MIA2: variants seen among roughly 807,000 people sequenced by gnomAD.
MIA2 encodes the protein MIA SH3 domain ER export factor 2.
In MIA2, 127 loss-of-function variants were observed where a neutral mutation model predicts 167.8. That is an observed-to-expected ratio of 0.76 (90% confidence interval 0.66 to 0.88). MIA2 has a LOEUF of 0.88. Ranked by LOEUF, MIA2 falls within the 40% of genes least tolerant of loss-of-function variation. The probability of loss-of-function intolerance (pLI) is 0.00; values close to 1 mark genes in which losing one functional copy is unlikely to be tolerated. For synonymous variants in MIA2, 552 were observed against 541.9 expected (o/e 1.02, Z -0.26); for missense variants, 1,690 against 1,624.7 (o/e 1.04, Z -0.69).
At chr14:39,332,739 G>A (rs1474581344) in intron 25 of MIA2, among the ~76,000 whole-genome samples, 1 of 151,936 alleles carries the variant, frequency 6.6e-6, no homozygotes, top group Non-Finnish European at 1.5e-5. Context: ...CTTGCAGTCC[G>A]TGGACTGCAC....
In MIA2 at chr14:39,265,143, A is replaced by G. The variant is rs1161650240; in HGVS notation, c.1888-11791A>G. ...CATTTTAAAAAACATATATAGGTGC[A>G]TATGTATGTGTGTGAGTATATATAT... is the stretch of plus-strand genomic sequence containing the variant. On this transcript the variant is annotated intron_variant, in intron 6 of 28. Transcript: ENST00000640607. 6 of 361,574 alleles carry G rather than the reference A, an allele frequency of 1.7e-5. No homozygotes were observed. In the Admixed American group the frequency reaches 2.5e-4, roughly 15 times the overall value. 22.4% of individuals were successfully genotyped at this position (361,574 alleles called of 1,614,324 possible).
intron 18 of MIA2, among the ~76,000 whole-genome samples, chr14:39,313,014 A>G (rs2064622288): frequency 6.6e-6 from 1 of 152,114 alleles, no homozygotes; most frequent in Non-Finnish European, 1.5e-5. Context: ...ATGCTTGTTT[A>G]TACAGAAAGA....
At chr14:39,258,634 G>C (rs1228758081) in intron 6 of MIA2, among the ~76,000 whole-genome samples, 2 of 152,148 alleles carry the variant, frequency 1.3e-5, no homozygotes, top group Non-Finnish European at 2.9e-5. Flanking sequence ...TTGCTGGAGA[G>C]GACTTGCAAT....
chr14:39,370,397 A>T (rs892493682), intron 23 of MIA2: 1 of 236,818 alleles, frequency 4.2e-6, no homozygotes, highest in Non-Finnish European at 9.3e-6. Context: ...GCACATCTGC[A>T]GAAGAATGTT....
At chr14:39,304,208 G>T (rs1235658219) in intron 16 of MIA2, 83 bp from the exon 17 acceptor site, 5 of 539,334 alleles carry the variant, frequency 9.3e-6, no homozygotes, top group Non-Finnish European at 1.6e-5. Context: ...TGTTAGGGGG[G>T]TCATACTGAG....
At chr14:39,369,466 T>C (rs901632554) in intron 23 of MIA2, among the ~76,000 whole-genome samples, 5 of 152,244 alleles carry the variant, frequency 3.3e-5, no homozygotes, top group African/African-American at 1.2e-4. Context: ...TAATTCTGTG[T>C]ATAGTATAGG....
intron 27 of MIA2, 114 bp downstream of exon 27, chr14:39,347,885 T>C (rs963929827): frequency 2.0e-6 from 2 of 980,876 alleles, no homozygotes; most frequent in African/African-American, 1.7e-5. Context: ...GCAGTGGCGC[T>C]ATCTCGGCTC....
At chr14:39,258,016 A>C (rs895910171) in intron 6 of MIA2, among the ~76,000 whole-genome samples, 1 of 151,916 alleles carries the variant, frequency 6.6e-6, no homozygotes, top group Non-Finnish European at 1.5e-5. Flanking sequence ...TGTCCTTAAC[A>C]TTTTTTCCTT....
intron 4 of MIA2, among the ~76,000 whole-genome samples, chr14:39,249,939 C>T (rs1266081409): frequency 6.6e-6 from 1 of 152,196 alleles, no homozygotes; most frequent in Admixed American, 6.5e-5. Context: ...CTCTACTCAA[C>T]ATCCTCAACC....
Position 39,299,882 on chromosome 14 carries a change from G to T in MIA2, c.2515G>T (p.Val839Leu). 1 of 1,605,724 alleles carries T rather than the reference G, an allele frequency of 6.2e-7. No individual in the cohort carries two copies. The highest frequency in any genetic ancestry group is 8.5e-7 in the Non-Finnish European group (1 of 1,177,962). The change falls in exon 14 of 29, where the codon GTA (valine) becomes TTA (leucine). Residue 839 changes from valine (V) to leucine (L), a missense_variant. Val to Leu is a conservative substitution (Grantham distance 32). Coordinates refer to ENST00000640607, the MANE Select transcript of MIA2 (RefSeq NM_001329214.4). ...TTTTCAGCTTTTGCAAGAAGCTGAA[G>T]TATGGAAAGAACAAGTGAGTGAACT... ...SQKQLLQEAE[V>L]WKEQVSELNK... is the part of the protein sequence containing the mutation.
In MIA2 at chr14:39,269,092, TTTTTTTTG is replaced by T. The variant is rs1182709150; in HGVS notation, c.1888-7841_1888-7834del. 1.5e-4 allele frequency: 140 copies of T among 954,680 alleles called. No individual in the cohort carries two copies. The African/African-American group carries it at 2.4e-3, about 16-fold the overall frequency. The allele number at this position is 954,680 out of a possible 1,614,324, so 59.1% of individuals were successfully genotyped here. ...CTGCACAGTTTTTTTTTTTTTTTTT[TTTTTTTTG>T]CTAAATGCGAGTACCCTGGCCTGGG... is the stretch of plus-strand genomic sequence containing the variant. On this transcript the variant is annotated intron_variant, in intron 6 of 28. Transcript: ENST00000640607.
Position 39,326,930 on chromosome 14 carries a change from A to C in MIA2, c.3563A>C (p.Asp1188Ala). Residue 1188 changes from aspartate (D) to alanine (A), a missense_variant, in exon 25 of 29, where the codon GAT (aspartate) becomes GCT (alanine). Transcript: ENST00000640607. ...ITNERGESSC[D>A]RLTDPHRAPS... ...AATGAAAGAGGAGAATCAAGCTGTG[A>C]TAGGTTAACCGATCCTCATAGGGCT... 3.1e-6 allele frequency: 5 copies of C among 1,598,522 alleles called. No homozygotes were observed. The highest frequency in any genetic ancestry group is 4.3e-6 in the Non-Finnish European group (5 of 1,173,392).
chr14:39,343,788 T>C (rs1047467582), intron 25 of MIA2, among the ~76,000 whole-genome samples: 1 of 152,148 alleles, frequency 6.6e-6, no homozygotes, highest in African/African-American at 2.4e-5. Flanking sequence ...ATTATGTGTA[T>C]ATGTGTATGT....
intron 23 of MIA2, among the ~76,000 whole-genome samples, chr14:39,381,615 T>C (rs189285991): frequency 3.6e-4 from 55 of 152,128 alleles, no homozygotes; most frequent in African/African-American, 1.2e-3. Flanking sequence ...AAAGGTGGCC[T>C]TGTTACATAA....
At chr14:39,329,728 A>G (rs898411052) in intron 25 of MIA2, among the ~76,000 whole-genome samples, 1 of 150,142 alleles carries the variant, frequency 6.7e-6, no homozygotes. Context: ...TGAGATAATC[A>G]TGTGGTTTTT....
At chr14:39,273,058 T>C (rs528627787) in intron 6 of MIA2, among the ~76,000 whole-genome samples, 68 of 152,264 alleles carry the variant, frequency 4.5e-4, no homozygotes, top group East Asian at 1.9e-3. Context: ...TTCTTTAGGA[T>C]TTTCTCTGTG....
At position 39,365,086 on chromosome 14, in the gene MIA2, G is replaced by A. The variant is rs548893552; in HGVS notation, c.2248+16109G>A. Among the ~76,000 whole-genome samples the A allele has an allele frequency of 1.4e-4, 20 of 146,338 alleles. No homozygotes were observed. In the South Asian group the frequency reaches 4.3e-3, roughly 31 times the overall value. ...TTGGGGTTTTGTTGTTTTTTTTTGT[G>A]ATGGAATCTCACTGTGTTGCACAGA... On this transcript the variant is annotated intron_variant, in intron 23 of 23. Transcript: ENST00000341502.
chr14:39,265,139 G>A (rs938480287), intron 6 of MIA2: 3 of 350,404 alleles, frequency 8.6e-6, no homozygotes, highest in Non-Finnish European at 1.5e-5. Context: ...ACATATATAG[G>A]TGCATATGTA....
chr14:39,334,922 A>C (rs1046865010), intron 25 of MIA2, among the ~76,000 whole-genome samples: 15 of 152,104 alleles, frequency 9.9e-5, no homozygotes, highest in African/African-American at 3.6e-4. Context: ...CTTGAGCAAT[A>C]AATTTTACCT....
Sources: gnomAD v4.1 joint callset for allele counts (sites outside exome capture counted in the v4.1 genomes callset) on GRCh38, gnomAD v4.1.1 for gene constraint, MANE v1.5 for transcripts, NCBI Gene and HGNC (gene_info 2026-07-23, HGNC 2026-07-21) for gene names.